The following RAB27A variants were observed in gnomAD, a reference collection of about 807,000 sequenced individuals.
RAB27A encodes the protein RAB27A, member RAS oncogene family, also known as ras-related protein Rab-27A.
Under a neutral mutation model 20.8 loss-of-function variants are expected in RAB27A, and 17 were observed. The ratio of observed to expected loss-of-function variants is 0.82; its 90% CI spans 0.56 to 1.23. RAB27A has a LOEUF of 1.23. Among genes scored for constraint, RAB27A ranks in the 50% most tolerant of loss-of-function variants. The pLI is 0.00. For synonymous variants in RAB27A, 85 were observed against 92.8 expected (o/e 0.92, Z 0.48); for missense variants, 277 against 266.7 (o/e 1.04, Z -0.27).
intron 2 of RAB27A, among the ~76,000 whole-genome samples, chr15:55,254,913 T>C (rs1171731758): frequency 6.6e-6 from 1 of 152,196 alleles, no homozygotes; most frequent in East Asian, 1.9e-4. Flanking sequence ...GAAACACAAT[T>C]TAGTTGTCCA....
At chr15:55,217,136 C>T (rs538673983) in intron 6 of RAB27A, among the ~76,000 whole-genome samples, 5 of 152,242 alleles carry the variant, frequency 3.3e-5, no homozygotes, top group African/African-American at 9.6e-5. Context: ...CATTTGTAAA[C>T]CTCTAGGTCA....
chr15:55,207,256 C>T (rs930037936), intron 6 of RAB27A, among the ~76,000 whole-genome samples: 1 of 152,134 alleles, frequency 6.6e-6, no homozygotes, highest in Non-Finnish European at 1.5e-5. Context: ...AAAATTGAAA[C>T]ATGCATGCAC....
chr15:55,309,600 G>A (rs913533535), intron 2 of RAB27A, among the ~76,000 whole-genome samples: 3 of 152,126 alleles, frequency 2.0e-5, no homozygotes, highest in African/African-American at 7.2e-5. Flanking sequence ...GGGTTCAAAG[G>A]ATCTTCAAAG....
In RAB27A at chr15:55,250,373, G is replaced by A. The variant is rs548957047; in HGVS notation, c.-22-15417C>T. ...TTATTTACTTATGCTACTTTGTTAAGCTATTTATGGCTACCTTTAACGTAT... is the reference window on the plus strand; with the variant it reads ...TTATTTACTTATGCTACTTTGTTAAACTATTTATGGCTACCTTTAACGTAT... On this transcript the variant is annotated intron_variant, in intron 2 of 6. Transcript: ENST00000336787. 2.0e-5 allele frequency among the ~76,000 whole-genome samples: 3 copies of A among 152,224 alleles called. No homozygotes were observed. In the South Asian group the frequency reaches 6.2e-4, roughly 32 times the overall value.
chr15:55,270,170 C>T lies in RAB27A; in HGVS notation c.-28G>A, dbSNP rs557065691. 2 of 151,832 alleles carry T rather than the reference C, an allele frequency of 1.3e-5. No homozygotes were observed. The highest frequency in any genetic ancestry group is 2.9e-5 in the Non-Finnish European group (2 of 67,948). 9.4% of individuals were successfully genotyped at this position (151,832 alleles called of 1,614,324 possible). ...AGATAAATACAAAACCATACCTTTA[C>T]AGGGTAGAGAACCGCTTGTTATGAT... On this transcript the variant is annotated 5_prime_UTR_variant, in exon 2 of 7. Transcript: ENST00000336787.
At chr15:55,226,536 AGTGTGTATTT>A (rs1187885882) in intron 5 of RAB27A, among the ~76,000 whole-genome samples, 3 of 144,230 alleles carry the variant, frequency 2.1e-5, no homozygotes, top group Non-Finnish European at 4.5e-5. Context: ...TGTGTGTGTG[AGTGTGTATTT>A]GTGTGTATTA....
At chr15:55,228,872 G>A (rs1184571757) in intron 4 of RAB27A, among the ~76,000 whole-genome samples, 160 bp from the exon 5 acceptor site, 1 of 152,204 alleles carries the variant, frequency 6.6e-6, no homozygotes, top group East Asian at 1.9e-4. Context: ...ACTTATATCA[G>A]TTTAAGTGTT....
intron 1 of RAB27A, among the ~76,000 whole-genome samples, chr15:55,283,970 T>TTA (rs1301448393): frequency 6.6e-6 from 1 of 152,140 alleles, no homozygotes; most frequent in Non-Finnish European, 1.5e-5. Context: ...CCAAGGTAGA[T>TTA]AAACTATAGC....
rs1270130718 is a variant in RAB27A, at chr15:55,203,921, C to T, written c.*1586G>A. 2 of 151,976 alleles carry T rather than the reference C, an allele frequency of 1.3e-5. No homozygotes were observed. The highest frequency in any genetic ancestry group is 2.9e-5 in the Non-Finnish European group (2 of 67,970). The allele number at this position is 151,976 out of a possible 1,614,324, so 9.4% of individuals were successfully genotyped here. The stretch of plus-strand genomic sequence containing the variant: ...AAAAAAAATAGGTTTTTTCATGATA[C>T]TTTTATTTTTCCTTTTTTAAAAATA... On this transcript the variant is annotated 3_prime_UTR_variant, in exon 7 of 7. Coordinates refer to ENST00000336787, the MANE Select transcript of RAB27A (RefSeq NM_183235.3).
intron 1 of RAB27A, among the ~76,000 whole-genome samples, chr15:55,279,264 C>A (rs541060380): frequency 6.6e-6 from 1 of 152,192 alleles, no homozygotes; most frequent in Non-Finnish European, 1.5e-5. Flanking sequence ...CAGGACAACA[C>A]AGAACCTCAG....
chr15:55,277,821 T>C (rs1173122007), intron 1 of RAB27A, among the ~76,000 whole-genome samples: 1 of 152,216 alleles, frequency 6.6e-6, no homozygotes, highest in Non-Finnish European at 1.5e-5. Context: ...TGACACTCAG[T>C]GGGACCAACC....
rs138129660 is a variant in RAB27A at position 55,299,304 on chromosome 15, C to T, written c.-112+14735G>A. On this transcript the variant is annotated intron_variant, in intron 2 of 5. Coordinates refer to the RAB27A transcript ENST00000563262. ...CCTCCATTTGGGGCCCCTGACTTCC[C>T]GCAACAGGGCCGGCCACGGTGCCTC... Among the ~76,000 whole-genome samples, 180 of 152,288 alleles carry T rather than the reference C, an allele frequency of 1.2e-3. 1 individual carries two copies. Among genetic ancestry groups the T allele is most frequent in the African/African-American group, 4.1e-3 (170 of 41,564 alleles).
At chr15:55,300,045 C>T (rs1377449337) in intron 2 of RAB27A, among the ~76,000 whole-genome samples, 1 of 152,034 alleles carries the variant, frequency 6.6e-6, no homozygotes, top group Non-Finnish European at 1.5e-5. Flanking sequence ...TGGTCTCGAG[C>T]TCCTGACCCC....
intron 1 of RAB27A, among the ~76,000 whole-genome samples, chr15:55,284,561 C>T (rs1898099045): frequency 6.6e-6 from 1 of 152,200 alleles, no homozygotes; most frequent in Non-Finnish European, 1.5e-5. Context: ...ATGCGGCTCT[C>T]AGAGAAAAGT....
intron 2 of RAB27A, among the ~76,000 whole-genome samples, chr15:55,264,942 AT>A (rs1487137458): frequency 6.6e-6 from 1 of 152,224 alleles, no homozygotes; most frequent in African/African-American, 2.4e-5. Context: ...AGGAAAATGC[AT>A]GGAAACAAGA....
intron 2 of RAB27A, among the ~76,000 whole-genome samples, chr15:55,266,950 G>C (rs997932253): frequency 1.3e-5 from 2 of 152,192 alleles, no homozygotes; most frequent in African/African-American, 4.8e-5. Flanking sequence ...CAACATAATA[G>C]TATTTCCTTA....
chr15:55,214,149 G>A (rs112210081), intron 6 of RAB27A, among the ~76,000 whole-genome samples: 3,020 of 152,262 alleles, frequency 0.02, 100 homozygotes, highest in African/African-American at 0.068. Flanking sequence ...ATTAAAAACT[G>A]GTTGAGGCCG....
At chr15:55,207,659 T>C (rs28433503) in intron 6 of RAB27A, among the ~76,000 whole-genome samples, 40,718 of 152,066 alleles carry the variant, frequency 0.27, 7,081 homozygotes, top group African/African-American at 0.5. Context: ...CAACCAAAAA[T>C]GCGACTTTTT....
At chr15:55,226,990 T>TA (rs1895829877) in intron 5 of RAB27A, among the ~76,000 whole-genome samples, 1 of 152,170 alleles carries the variant, frequency 6.6e-6, no homozygotes, top group South Asian at 2.1e-4. Context: ...TAAGATTTGA[T>TA]ATTACCACTT....
Sources: allele counts gnomAD v4.1 joint callset (sites outside exome capture counted in the v4.1 genomes callset), GRCh38; gene constraint gnomAD v4.1.1; transcripts MANE v1.5; gene names NCBI Gene and HGNC (gene_info 2026-07-23, HGNC 2026-07-21).